ROBO2: variants seen among roughly 807,000 people sequenced by gnomAD.
ROBO2 encodes roundabout homolog 2.
Under a neutral mutation model 160.8 loss-of-function variants are expected in ROBO2, and 53 were observed. The observed-to-expected ratio is 0.33, with a 90% CI of 0.26 to 0.41. The LOEUF (loss-of-function observed/expected upper bound fraction) is 0.41. Ranked by LOEUF, ROBO2 falls within the 10% of genes least tolerant of loss-of-function variation. ROBO2 has a pLI of 1.00. For missense variants in ROBO2, 1,577 were observed against 1,722.4 expected, an observed-to-expected ratio of 0.92 and a Z score of 1.49; for synonymous variants, 664 against 611.7, an observed-to-expected ratio of 1.09 and a Z score of -1.26.
intron 2 of ROBO2, among the ~76,000 whole-genome samples, chr3:76,114,549 G>C (rs913500920): frequency 1.3e-5 from 2 of 151,946 alleles, no homozygotes; most frequent in South Asian, 2.1e-4. Flanking sequence ...CTTTACAGAA[G>C]GCCCTGATAT....
At chr3:75,961,727 G>A (rs1948919799) in intron 2 of ROBO2, among the ~76,000 whole-genome samples, 2 of 151,250 alleles carry the variant, frequency 1.3e-5, no homozygotes, top group Non-Finnish European at 3.0e-5. Context: ...ACTTTTTGAT[G>A]GATATAGAAA....
chr3:77,470,221 A>G (rs538356666), intron 2 of ROBO2, among the ~76,000 whole-genome samples: 2 of 152,346 alleles, frequency 1.3e-5, no homozygotes, highest in South Asian at 2.1e-4. Context: ...TTTTATCTTA[A>G]GAGCCATTAA....
intron 14 of ROBO2, among the ~76,000 whole-genome samples, chr3:77,577,068 A>C (rs1383995965): frequency 1.3e-5 from 2 of 152,088 alleles, no homozygotes; most frequent in Non-Finnish European, 2.9e-5. Context: ...GAGTTCTAAA[A>C]TCAGACATAC....
intron 18 of ROBO2, 131 bp from the exon 20 acceptor site, chr3:77,596,492 A>T: frequency 1.8e-6 from 2 of 1,135,128 alleles, no homozygotes; most frequent in Non-Finnish European, 2.7e-6. Context: ...CTTTAATTCC[A>T]GGGAGTCTAC....
chr3:76,328,908 T>TA (rs1553708110), intron 2 of ROBO2, among the ~76,000 whole-genome samples: 1 of 136,026 alleles, frequency 7.4e-6, no homozygotes, highest in Non-Finnish European at 1.6e-5. Flanking sequence ...ATTTATGTTA[T>TA]TATATATATA....
At chr3:76,429,075 A>G (rs2076332698) in intron 2 of ROBO2, among the ~76,000 whole-genome samples, 2 of 152,296 alleles carry the variant, frequency 1.3e-5, no homozygotes, top group South Asian at 4.1e-4. Flanking sequence ...ACTTCCTAAT[A>G]TATACCTATC....
At chr3:77,317,291 G>A (rs1255674668) in intron 2 of ROBO2, 1 of 756,132 alleles carries the variant, frequency 1.3e-6, no homozygotes, top group Non-Finnish European at 2.4e-6. Context: ...TTTTCCCAGT[G>A]TTAGGTGACG....
intron 2 of ROBO2, among the ~76,000 whole-genome samples, chr3:76,697,865 G>C (rs1179725931): frequency 6.6e-6 from 1 of 152,144 alleles, no homozygotes. Context: ...AGGGAACTGT[G>C]ATAGTCTACA....
chr3:76,591,619 T>C (rs1412527369), intron 2 of ROBO2, among the ~76,000 whole-genome samples: 1 of 152,174 alleles, frequency 6.6e-6, no homozygotes, highest in Non-Finnish European at 1.5e-5. Flanking sequence ...GTAAACCTTG[T>C]ATTTTGTCTT....
chr3:76,396,355 G>C (rs141954004), intron 2 of ROBO2, among the ~76,000 whole-genome samples: 15 of 152,034 alleles, frequency 9.9e-5, no homozygotes, highest in African/African-American at 2.2e-4. Flanking sequence ...GACAAACCCA[G>C]AGCCAATATC....
chr3:76,062,165 G>T (rs2107893884), intron 2 of ROBO2, among the ~76,000 whole-genome samples: 1 of 152,198 alleles, frequency 6.6e-6, no homozygotes, highest in Non-Finnish European at 1.5e-5. Flanking sequence ...GGGGGATACG[G>T]CCTAGTTCTG....
chr3:76,207,431 A>G (rs1349961195), intron 2 of ROBO2, among the ~76,000 whole-genome samples: 1 of 152,138 alleles, frequency 6.6e-6, no homozygotes, highest in Non-Finnish European at 1.5e-5. Flanking sequence ...TAATTTTAGT[A>G]TTTTCTCTAG....
At chr3:77,138,440 G>A (rs147047991) in intron 2 of ROBO2, among the ~76,000 whole-genome samples, 77 of 152,282 alleles carry the variant, frequency 5.1e-4, no homozygotes, top group Admixed American at 1.4e-3. Flanking sequence ...AGAGAATCAT[G>A]AACAGAGAAG....
At chr3:77,596,886 T>C in intron 19 of ROBO2, 136 bp downstream of exon 20, 1 of 1,035,316 alleles carries the variant, frequency 9.7e-7, no homozygotes, top group South Asian at 1.5e-5. Flanking sequence ...ACATATGCAC[T>C]AACAGTGTTG....
chr3:77,211,030 A>G (rs1231362355), intron 2 of ROBO2, among the ~76,000 whole-genome samples: 1 of 152,168 alleles, frequency 6.6e-6, no homozygotes, highest in East Asian at 1.9e-4. Context: ...GCTATCGTGA[A>G]TAGTGCCGCA....
At chr3:77,254,141 G>T (rs971424809) in intron 2 of ROBO2, among the ~76,000 whole-genome samples, 11 of 152,148 alleles carry the variant, frequency 7.2e-5, no homozygotes, top group African/African-American at 2.7e-4. Context: ...GTATGGTGGT[G>T]CACCTGTGGT....
chr3:77,369,943 A>G (rs1317793051), intron 2 of ROBO2, among the ~76,000 whole-genome samples: 2 of 152,194 alleles, frequency 1.3e-5, no homozygotes, highest in East Asian at 1.9e-4. Context: ...AATAATCAAG[A>G]TCTAATGAAT....
At chr3:77,047,514 C>T (rs1179756390) in intron 1 of ROBO2, among the ~76,000 whole-genome samples, 1 of 150,608 alleles carries the variant, frequency 6.6e-6, no homozygotes, top group Non-Finnish European at 1.5e-5. Context: ...GTGAAACCCC[C>T]TCTCTATTTA....
chr3:77,455,240 C>T (rs2081505762), intron 2 of ROBO2, among the ~76,000 whole-genome samples: 1 of 152,032 alleles, frequency 6.6e-6, no homozygotes, highest in Non-Finnish European at 1.5e-5. Flanking sequence ...GAAGGAAATA[C>T]TGAATCATTG....
Sources: gnomAD v4.1 joint callset for allele counts (sites outside exome capture counted in the v4.1 genomes callset) on GRCh38, gnomAD v4.1.1 for gene constraint, MANE v1.5 for transcripts, NCBI Gene and HGNC (gene_info 2026-07-23, HGNC 2026-07-21) for gene names.